Variants in TXK observed in about 807,000 individuals in gnomAD.
TXK encodes the protein tyrosine-protein kinase TXK.
TXK carries 60 observed loss-of-function variants against 81.0 expected under a neutral mutation model. That is an observed-to-expected ratio of 0.74 (90% CI 0.60 to 0.92). The LOEUF is 0.92. TXK is among the 40% of genes least tolerant of loss of function. The probability of loss-of-function intolerance (pLI) is 0.00; values close to 1 mark genes in which losing one functional copy is unlikely to be tolerated. For missense variants in TXK, 581 were observed against 638.3 expected, an observed-to-expected ratio of 0.91 and a Z score of 0.97; for synonymous variants, 203 against 210.7, an observed-to-expected ratio of 0.96 and a Z score of 0.32.
chr4:48,074,157 A>G, intron 12 of TXK, 104 bp from the exon 13 acceptor site: 1 of 867,200 alleles, frequency 1.2e-6, no homozygotes, highest in Non-Finnish European at 1.8e-6. Context: ...AAAGTATTTT[A>G]CCCCAGAAAG....
intron 1 of TXK, among the ~76,000 whole-genome samples, chr4:48,115,873 T>A (rs1421435872): frequency 6.6e-6 from 1 of 151,930 alleles, no homozygotes; most frequent in Non-Finnish European, 1.5e-5. Flanking sequence ...CATAAATAAA[T>A]TTTGAATTTC....
Position 48,089,385 on chromosome 4 carries a change from CT to C in TXK, c.784+364del, listed in dbSNP as rs71200926. The stretch of plus-strand genomic sequence containing the variant: ...CAAAGAATCAATAGGGAACTAGATT[CT>C]TTTTTTTTTTTCCTTTTTTTTTGAG... On this transcript the variant is annotated intron_variant, in intron 9 of 14. Coordinates refer to ENST00000264316, the MANE Select transcript of TXK (RefSeq NM_003328.3). 5.5e-3 allele frequency: 836 copies of C among 151,368 alleles called. 3 individuals are homozygous for C. The highest frequency in any genetic ancestry group is 0.012 in the African/African-American group (490 of 40,030). 9.4% of individuals were successfully genotyped at this position (151,368 alleles called of 1,614,324 possible). A position where few individuals can be genotyped will look rare whatever the true frequency, so the allele number is the denominator to read the frequency against.
chr4:48,126,259 T>C (rs546456935), intron 1 of TXK, among the ~76,000 whole-genome samples: 1 of 152,262 alleles, frequency 6.6e-6, no homozygotes, highest in South Asian at 2.1e-4. Flanking sequence ...GCATTTATCA[T>C]GAGCCACTTT....
At chr4:48,086,226 T>C (rs567337327) in intron 10 of TXK, among the ~76,000 whole-genome samples, 1 of 152,364 alleles carries the variant, frequency 6.6e-6, no homozygotes, top group African/African-American at 2.4e-5. Context: ...CTTATTTAAT[T>C]CACACATTGA....
chr4:48,125,822 T>C (rs1333098852), intron 1 of TXK, among the ~76,000 whole-genome samples: 1 of 152,178 alleles, frequency 6.6e-6, no homozygotes, highest in Non-Finnish European at 1.5e-5. Context: ...AGCTGAAGAA[T>C]GAGAGAAGAG....
In TXK at chr4:48,099,964, C is replaced by A. The variant is rs375245258; in HGVS notation, c.502-4742G>T. Among the ~76,000 whole-genome samples, 29 of 151,644 alleles carry A rather than the reference C, an allele frequency of 1.9e-4. No homozygotes were observed. In the East Asian group the frequency reaches 5.2e-3, roughly 27 times the overall value. Reference sequence around the variant, plus strand: ...CTTTGGGAGGCCGAGGCGGGCGGATCACGAGGTCAGGAGATCGAGACCACG... The same window carrying A: ...CTTTGGGAGGCCGAGGCGGGCGGATAACGAGGTCAGGAGATCGAGACCACG... On this transcript the variant is annotated intron_variant, in intron 6 of 14. Transcript: ENST00000264316.
chr4:48,093,849 C>T (rs909390264), intron 8 of TXK, among the ~76,000 whole-genome samples: 1 of 152,176 alleles, frequency 6.6e-6, no homozygotes, highest in African/African-American at 2.4e-5. Context: ...TATCATTTTT[C>T]TAACCTGGTA....
intron 5 of TXK, among the ~76,000 whole-genome samples, chr4:48,106,889 G>A (rs1426214640): frequency 6.6e-6 from 1 of 152,006 alleles, no homozygotes; most frequent in Non-Finnish European, 1.5e-5. Flanking sequence ...GTTATCCGAA[G>A]TTGAAGATAA....
At chr4:48,092,156 T>C (rs1285602062) in intron 8 of TXK, among the ~76,000 whole-genome samples, 1 of 152,154 alleles carries the variant, frequency 6.6e-6, no homozygotes, top group Non-Finnish European at 1.5e-5. Flanking sequence ...TCCTACTTCA[T>C]CAGTGAAGTT....
intron 6 of TXK, 69 bp from the exon 7 acceptor site, chr4:48,095,291 G>GAA: frequency 8.4e-7 from 1 of 1,191,360 alleles, no homozygotes; most frequent in Non-Finnish European, 1.2e-6. Context: ...ACTCAGGGAT[G>GAA]AAAATCAAAG....
At chr4:48,103,203 A>ACAG (rs1163061023) in intron 6 of TXK, among the ~76,000 whole-genome samples, 1 of 152,196 alleles carries the variant, frequency 6.6e-6, no homozygotes, top group Non-Finnish European at 1.5e-5. Flanking sequence ...CTGAATCTGC[A>ACAG]CAGCCCAGTG....
chr4:48,084,942 C>T (rs73814660), intron 10 of TXK, among the ~76,000 whole-genome samples: 1,505 of 99,820 alleles, frequency 0.015, 22 homozygotes, highest in African/African-American at 0.047. Context: ...TTGTTGTTTG[C>T]TTGTTTGTTT....
chr4:48,122,768 A>G (rs1017889880), intron 1 of TXK, among the ~76,000 whole-genome samples: 3 of 152,264 alleles, frequency 2.0e-5, no homozygotes, highest in Non-Finnish European at 4.4e-5. Flanking sequence ...CAGAGGATGT[A>G]CCTGTCTTGA....
chr4:48,126,198 C>T (rs1719086510), intron 1 of TXK, among the ~76,000 whole-genome samples: 1 of 152,166 alleles, frequency 6.6e-6, no homozygotes, highest in African/African-American at 2.4e-5. Context: ...CCAATCCCTC[C>T]TCTTCATCAT....
intron 1 of TXK, among the ~76,000 whole-genome samples, chr4:48,128,491 T>A (rs1719152723): frequency 6.6e-6 from 1 of 152,114 alleles, no homozygotes; most frequent in Admixed American, 6.6e-5. Flanking sequence ...CCTTTTTGTT[T>A]TTTTTTCCAG....
intron 1 of TXK, among the ~76,000 whole-genome samples, chr4:48,114,788 T>C (rs1190456665): frequency 6.6e-6 from 1 of 152,196 alleles, no homozygotes. Context: ...ATCTGTCATA[T>C]TTTTTTAAAT....
chr4:48,073,178 C>T (rs2109397809), intron 13 of TXK, among the ~76,000 whole-genome samples: 1 of 150,738 alleles, frequency 6.6e-6, no homozygotes, highest in South Asian at 2.1e-4. Flanking sequence ...CCTCCCACTT[C>T]AGCCTCCCAA....
rs752122657 is a variant in TXK at position 48,112,411 on chromosome 4, A to G, written c.276T>C (p.Asp92=). 1 of 1,614,172 alleles carries G rather than the reference A, an allele frequency of 6.2e-7. No homozygotes were observed. Among genetic ancestry groups the G allele is most frequent in the Non-Finnish European group, 8.5e-7 (1 of 1,180,016 alleles). Residue 92 remains aspartate, a synonymous_variant, in exon 4 of 15, where the codon GAT becomes GAC. Transcript: ENST00000264316. The part of the protein sequence containing the change: ...EEKIQVKALY[D]FLPREPCNLA... ...AATTACAGGGTTCTCTGGGCAGAAA[A>G]TCATAAAGTGCCTTGACTTGGATCT... is the stretch of plus-strand genomic sequence containing the variant.
intron 8 of TXK, among the ~76,000 whole-genome samples, chr4:48,093,606 T>C (rs1717864328): frequency 1.3e-5 from 2 of 152,208 alleles, no homozygotes; most frequent in South Asian, 4.1e-4. Context: ...ATTGTAACTG[T>C]GAAAGGCTGT....
Sources: allele counts gnomAD v4.1 joint callset (sites outside exome capture counted in the v4.1 genomes callset), GRCh38; gene constraint gnomAD v4.1.1; transcripts MANE v1.5; gene names NCBI Gene and HGNC (gene_info 2026-07-23, HGNC 2026-07-21).